HTRA2: variants seen among roughly 807,000 people sequenced by gnomAD.
The protein encoded by HTRA2 is HtrA serine peptidase 2.
A neutral mutation model predicts 42.2 loss-of-function variants in HTRA2; 24 were observed. The ratio of observed to expected loss-of-function variants is 0.57; its 90% CI spans 0.41 to 0.80. HTRA2 has a LOEUF of 0.80. Ranked by LOEUF, HTRA2 falls within the 30% of genes least tolerant of loss-of-function variation. HTRA2 has a pLI of 0.00. For synonymous variants in HTRA2, 245 were observed against 255.8 expected, an observed-to-expected ratio of 0.96 and a Z score of 0.40; for missense variants, 466 against 613.5, an observed-to-expected ratio of 0.76 and a Z score of 2.54.
chr2:74,531,421 G>T, intron 4 of HTRA2, 50 bp downstream of exon 4: 1 of 1,610,596 alleles, frequency 6.2e-7, no homozygotes, highest in Non-Finnish European at 8.5e-7. Flanking sequence ...GGTCAGTGTG[G>T]GAAGGGTAGG....
chr2:74,529,713 T>C, upstream of HTRA2: 4 of 1,532,364 alleles, frequency 2.6e-6, no homozygotes, highest in Non-Finnish European at 3.5e-6. Context: ...AGGCGGAGTC[T>C]TTGGGCATCC....
In HTRA2 at chr2:74,530,384, G is replaced by C; in HGVS notation, c.378G>C (p.Arg126=). 1 of 1,592,450 alleles carries C rather than the reference G, an allele frequency of 6.3e-7. No homozygotes were observed. The highest frequency in any genetic ancestry group is 1.3e-5 in the African/African-American group (1 of 74,614). ...AVLLLLWGGG[R]GPPAVLAAVP... is the part of the protein sequence containing the mutation. The stretch of plus-strand genomic sequence containing the variant: ...TGTTGTTGTTGTGGGGCGGGGGTCG[G>C]GGTCCTCCGGCCGTCCTCGCCGCCG... Residue 126 remains arginine (R), a synonymous_variant, in exon 1 of 8, where the codon CGG becomes CGC. Transcript: ENST00000258080. This position sits in a 1 kb window ranked among gnomAD's most constrained non-coding sequence, Gnocchi z 7.4.
chr2:74,529,835 A>C (rs1255347230), upstream of HTRA2: 1 of 1,421,728 alleles, frequency 7.0e-7, no homozygotes, highest in Non-Finnish European at 9.2e-7. Context: ...GGAGACCACA[A>C]TTCCCGGCAT....
chr2:74,533,515 G>T, downstream of HTRA2: 2 of 1,178,920 alleles, frequency 1.7e-6, no homozygotes, highest in East Asian at 2.3e-5. Flanking sequence ...TGCGGTTGCT[G>T]ACATGGGTTT....
chr2:74,532,033 C>A lies in HTRA2; in HGVS notation c.1115+108C>A. ...TGTCTTTATCTAAGATGAACTGTGT[C>A]ACACTTGAAATAATCACAAGAGCTG... On this transcript the variant is annotated intron_variant, in intron 6 of 7. Transcript: ENST00000258080. 3.7e-6 allele frequency: 4 copies of A among 1,068,670 alleles called. No individual in the cohort carries two copies. In the South Asian group the frequency reaches 4.0e-5, roughly 11 times the overall value. The allele number at this position is 1,068,670 out of a possible 1,614,324, so 66.2% of individuals were successfully genotyped here.
At position 74,533,239 on chromosome 2, in the gene HTRA2, A is replaced by G; in HGVS notation, c.*254A>G. 2 of 561,626 alleles carry G rather than the reference A, an allele frequency of 3.6e-6. No homozygotes were observed. 34.8% of individuals were successfully genotyped at this position (561,626 alleles called of 1,614,324 possible). A position where few individuals can be genotyped will look rare whatever the true frequency, so the allele number is the denominator to read the frequency against. ...TTTCCCCCACCAAAAGGCTAGAGGT[A>G]AAGCTGTATCCCCCTAAACTTAGGG... On this transcript the variant is annotated 3_prime_UTR_variant, in exon 8 of 8. Transcript: ENST00000258080.
chr2:74,529,693 G>C (rs377647662), upstream of HTRA2: 6 of 1,538,570 alleles, frequency 3.9e-6, no homozygotes, highest in Middle Eastern at 2.3e-4. Flanking sequence ...GGCCGCAGGG[G>C]CTCTTGGGAA....
In HTRA2 at chr2:74,530,231, G is replaced by A. The variant is rs1168966374; in HGVS notation, c.225G>A (p.Gly75=). ...VTEPRACLTS[G]TPGPRAQLTA... ...AACCCCGAGCATGCCTGACGTCTGGGACCCCGGGTCCCCGGGCACAACTGA... is the reference window on the plus strand; with the variant it reads ...AACCCCGAGCATGCCTGACGTCTGGAACCCCGGGTCCCCGGGCACAACTGA... Residue 75 remains glycine (G), a synonymous_variant, in exon 1 of 8, where the codon GGG becomes GGA. Coordinates refer to ENST00000258080, the MANE Select transcript of HTRA2 (RefSeq NM_013247.5). This position sits in a 1 kb window ranked among gnomAD's most constrained non-coding sequence, Gnocchi z 7.4. 1.2e-6 allele frequency: 2 copies of A among 1,609,892 alleles called. No individual in the cohort carries two copies. The highest frequency in any genetic ancestry group is 1.7e-6 in the Non-Finnish European group (2 of 1,178,410).
rs1675638411 is a variant in HTRA2 at position 74,531,902 on chromosome 2, G to A, written c.1092G>A (p.Val364=). 1.2e-6 allele frequency: 2 copies of A among 1,614,054 alleles called. No homozygotes were observed. The highest frequency in any genetic ancestry group is 3.3e-5 in the Admixed American group (2 of 60,004). Residue 364 remains valine (V), a synonymous_variant, in exon 6 of 8, where the codon GTG becomes GTA. Transcript: ENST00000258080. The part of the protein sequence containing the change: ...ISGSQRRYIG[V]MMLTLSPSIL... Reference sequence around the variant, plus strand: ...GGTCCCAGCGGCGCTACATTGGGGTGATGATGCTGACCCTGAGTCCCAGGT... The same window carrying A: ...GGTCCCAGCGGCGCTACATTGGGGTAATGATGCTGACCCTGAGTCCCAGGT...
chr2:74,529,647 C>G (rs1268876866), upstream of HTRA2: 1 of 1,552,116 alleles, frequency 6.4e-7, no homozygotes. Flanking sequence ...GCTTCAGGAG[C>G]GCCCGGCCGT....
rs1028380092 is a variant in HTRA2, at chr2:74,530,182, C to T, written c.176C>T (p.Ala59Val). ...RVTYGTPSLW[A>V]RLSVGVTEPR... The stretch of plus-strand genomic sequence containing the variant: ...ACTTATGGGACCCCCAGTCTCTGGG[C>T]CCGGTTGTCTGTTGGGGTCACTGAA... Residue 59 changes from alanine to valine, a missense_variant, in exon 1 of 8, where the codon GCC becomes GTC. Ala to Val is a moderately conservative substitution (Grantham distance 64). This residue lies in a region of HTRA2 where 222 missense variants were observed against 205.1 expected (regional missense o/e 1.08). Coordinates refer to ENST00000258080, the MANE Select transcript of HTRA2 (RefSeq NM_013247.5). This position sits in a 1 kb window ranked among gnomAD's most constrained non-coding sequence, Gnocchi z 7.4. 2 of 1,611,618 alleles carry T rather than the reference C, an allele frequency of 1.2e-6. No individual in the cohort carries two copies. The highest frequency in any genetic ancestry group is 1.3e-5 in the African/African-American group (1 of 74,894).
intron 5 of HTRA2, 50 bp from the exon 6 acceptor site, chr2:74,531,806 A>T: frequency 6.2e-7 from 1 of 1,612,272 alleles, no homozygotes; most frequent in South Asian, 1.1e-5. Context: ...AGAAGAGGGC[A>T]GGGAAGGAAG....
At chr2:74,529,480 G>A, upstream of HTRA2, 2 of 1,556,612 alleles carry the variant, frequency 1.3e-6, no homozygotes, top group South Asian at 1.2e-5. Context: ...ACGAGCAGTA[G>A]GAAGCAGTCA....
rs1348774970 is a variant in HTRA2 at position 74,530,410 on chromosome 2, T to C, written c.404T>C (p.Val135Ala). 2 of 1,599,446 alleles carry C rather than the reference T, an allele frequency of 1.3e-6. No individual in the cohort carries two copies. Among genetic ancestry groups the C allele is most frequent in the South Asian group, 2.2e-5 (2 of 90,390 alleles). Reference sequence around the variant, plus strand: ...GGTCCTCCGGCCGTCCTCGCCGCCGTCCCTAGCCCGCCGCCCGCTTCTCCC... The same window carrying C: ...GGTCCTCCGGCCGTCCTCGCCGCCGCCCCTAGCCCGCCGCCCGCTTCTCCC... Reference protein sequence around the residue: ...GRGPPAVLAAVPSPPPASPRS... With the variant: ...GRGPPAVLAAAPSPPPASPRS... Residue 135 changes from valine to alanine, a missense_variant, in exon 1 of 8, where the codon GTC becomes GCC. Physicochemically the swap from Val to Ala is moderately conservative, Grantham distance 64. Around this residue, in one of 3 missense-constraint regions of HTRA2, gnomAD observed 222 missense variants for 205.1 expected, o/e 1.08. Coordinates refer to ENST00000258080, the MANE Select transcript of HTRA2 (RefSeq NM_013247.5). The surrounding 1 kb of genome is among the most constrained non-coding windows in gnomAD (Gnocchi z 7.4).
upstream of HTRA2, chr2:74,529,805 T>C: frequency 7.0e-7 from 1 of 1,431,828 alleles, no homozygotes; most frequent in Non-Finnish European, 9.1e-7. Flanking sequence ...CCTTGGGCCG[T>C]CTCACAACTC....
In HTRA2 at chr2:74,532,666, A is replaced by G. The variant is rs775494259; in HGVS notation, c.1163A>G (p.Gln388Arg). ...QLREPSFPDVQHGVLIHKVIL... is the reference protein window; with the variant it reads ...QLREPSFPDVRHGVLIHKVIL... ...CGAGAACCAAGCTTTCCCGATGTTC[A>G]GCATGGTGTACTCATCCATAAAGTC... Residue 388 changes from glutamine (Q) to arginine (R), a missense_variant, in exon 7 of 8, where the codon CAG becomes CGG. Physicochemically the swap from Gln to Arg is conservative, Grantham distance 43 (BLOSUM62 1). Transcript: ENST00000258080. 1.9e-6 allele frequency: 3 copies of G among 1,613,808 alleles called. No homozygotes were observed. Among genetic ancestry groups the G allele is most frequent in the Non-Finnish European group, 2.5e-6 (3 of 1,180,028 alleles).
Position 74,530,686 on chromosome 2 carries a change from C to T in HTRA2, c.576C>T (p.Leu192=). 4 of 1,614,200 alleles carry T rather than the reference C, an allele frequency of 2.5e-6. No homozygotes were observed. The highest frequency in any genetic ancestry group is 3.4e-6 in the Non-Finnish European group (4 of 1,180,034). ...GSGFVVAADG[L]IVTNAHVVAD... ...GATTCGTGGTGGCTGCCGATGGGCT[C>T]ATTGTCACCAACGCCCATGTGGTGG... Residue 192 remains leucine (L), a synonymous_variant, in exon 2 of 8, where the codon CTC becomes CTT. Coordinates refer to ENST00000258080, the MANE Select transcript of HTRA2 (RefSeq NM_013247.5). This position sits in a 1 kb window ranked among gnomAD's most constrained non-coding sequence, Gnocchi z 7.4.
Position 74,530,212 on chromosome 2 carries a change from G to T in HTRA2, c.206G>T (p.Arg69Leu). Residue 69 changes from arginine to leucine, a missense_variant, in exon 1 of 8, where the codon CGA (arginine) becomes CTA (leucine). Physicochemically the swap from Arg to Leu is moderately radical, Grantham distance 102. Transcript: ENST00000258080. The surrounding 1 kb of genome is among the most constrained non-coding windows in gnomAD (Gnocchi z 7.4). ...TTGTCTGTTGGGGTCACTGAACCCC[G>T]AGCATGCCTGACGTCTGGGACCCCG... ...ARLSVGVTEP[R>L]ACLTSGTPGP... is the part of the protein sequence containing the mutation. 6.2e-7 allele frequency: 1 copy of T among 1,610,776 alleles called. No individual in the cohort carries two copies. The highest frequency in any genetic ancestry group is 2.2e-5 in the East Asian group (1 of 44,702).
In HTRA2 at chr2:74,532,856, T is replaced by C; in HGVS notation, c.1248T>C (p.Ile416=). Residue 416 remains isoleucine (I), a synonymous_variant, in exon 8 of 8, where the codon ATT becomes ATC. Coordinates refer to ENST00000258080, the MANE Select transcript of HTRA2 (RefSeq NM_013247.5). ...GLRPGDVILA[I]GEQMVQNAED... is the part of the protein sequence containing the mutation. ...GGCCTGGTGATGTGATTTTGGCCAT[T>C]GGGGAGCAGATGGTACAAAATGCTG... is the stretch of plus-strand genomic sequence containing the variant. 6.2e-7 allele frequency: 1 copy of C among 1,614,140 alleles called. No homozygotes were observed. The highest frequency in any genetic ancestry group is 1.1e-5 in the South Asian group (1 of 91,076).
Sources: gnomAD v4.1 joint callset for allele counts on GRCh38, gnomAD v4.1.1 for gene constraint, gnomAD v4.1.1 regional missense constraint, Gnocchi (gnomAD v3.1) non-coding constraint, MANE v1.5 for transcripts, NCBI Gene and HGNC (gene_info 2026-07-23, HGNC 2026-07-21) for gene names.